PDE8B: variants seen among roughly 807,000 people sequenced by gnomAD.
PDE8B encodes the protein phosphodiesterase 8B.
PDE8B carries 26 observed loss-of-function variants against 101.3 expected under a neutral mutation model. The observed-to-expected ratio is 0.26, with a 90% CI of 0.19 to 0.36. The LOEUF is 0.36. Ranked by LOEUF, PDE8B falls within the 10% of genes least tolerant of loss-of-function variation. The pLI, the probability that PDE8B is intolerant of heterozygous loss-of-function variation, is 1.00. For synonymous variants in PDE8B, 424 were observed against 429.3 expected (o/e 0.99, Z 0.15); for missense variants, 810 against 1,163.1 (o/e 0.70, Z 4.42).
At chr5:77,424,922 C>T (rs9293716) in intron 20 of PDE8B, among the ~76,000 whole-genome samples, 41,385 of 151,656 alleles carry the variant, frequency 0.27, 6,187 homozygotes, top group Non-Finnish European at 0.33. Flanking sequence ...ACTCCAGGCC[C>T]CAAGCGAACC....
At chr5:77,345,167 T>TA in intron 7 of PDE8B, among the ~76,000 whole-genome samples, 1 of 152,342 alleles carries the variant, frequency 6.6e-6, no homozygotes, top group South Asian at 2.1e-4. Context: ...AAATGGGGTT[T>TA]AAAAAAATTT....
intron 10 of PDE8B, among the ~76,000 whole-genome samples, chr5:77,361,930 C>T (rs1263745861): frequency 1.3e-5 from 2 of 152,168 alleles, no homozygotes; most frequent in African/African-American, 2.4e-5. Flanking sequence ...AAAAAACCAG[C>T]AAAAGCATTT....
chr5:77,212,165 T>C (rs1580338792), intron 1 of PDE8B, among the ~76,000 whole-genome samples: 1 of 152,236 alleles, frequency 6.6e-6, no homozygotes, highest in African/African-American at 2.4e-5. Context: ...TGTGTAAATC[T>C]GGGCACTGGG....
At chr5:77,321,824 A>G (rs933649368) in intron 2 of PDE8B, among the ~76,000 whole-genome samples, 37 of 152,290 alleles carry the variant, frequency 2.4e-4, no homozygotes, top group African/African-American at 8.9e-4. Flanking sequence ...TACCATACCT[A>G]AATAATAAGA....
chr5:77,273,899 T>C (rs2149793971), intron 1 of PDE8B, among the ~76,000 whole-genome samples: 2 of 152,204 alleles, frequency 1.3e-5, no homozygotes, highest in African/African-American at 4.8e-5. Flanking sequence ...CTTTGCTCAC[T>C]GCAACCTCCG....
At chr5:77,313,359 G>A (rs1443987569) in intron 2 of PDE8B, among the ~76,000 whole-genome samples, 1 of 151,440 alleles carries the variant, frequency 6.6e-6, no homozygotes, top group Admixed American at 6.6e-5. Flanking sequence ...GGAACAGAGA[G>A]AGAGAGAAAA....
intron 1 of PDE8B, chr5:77,291,500 G>T: frequency 6.2e-7 from 1 of 1,609,394 alleles, no homozygotes; most frequent in Non-Finnish European, 8.5e-7. Context: ...TTAAATTCAA[G>T]AATGAAGAAG....
rs555914663 is a variant in PDE8B, at chr5:77,290,303, A to G, written c.340-21691A>G. The G allele has an allele frequency of 3.9e-6, 6 of 1,542,744 alleles. No homozygotes were observed. In the East Asian group the frequency reaches 9.1e-5, roughly 23 times the overall value. ...TCCTCATCAATCAGCCCCAGTATGC[A>G]TGGCTGAAAGAGGTGGGGCTCCGAG... On this transcript the variant is annotated intron_variant, in intron 1 of 21. Coordinates refer to ENST00000264917, the MANE Select transcript of PDE8B (RefSeq NM_003719.5).
At chr5:77,145,281 C>T in the PDE8B span, 1 of 152,004 alleles carries the variant, frequency 6.6e-6, no homozygotes, top group African/African-American at 2.4e-5. Context: ...CTTCTTGGTG[C>T]TTATAGTAAA....
chr5:77,227,319 G>A (rs895399787), intron 1 of PDE8B, among the ~76,000 whole-genome samples: 1 of 152,004 alleles, frequency 6.6e-6, no homozygotes, highest in Admixed American at 6.6e-5. Flanking sequence ...TTATATAAAT[G>A]TATCAACTTT....
At chr5:77,349,321 C>G in intron 7 of PDE8B, 98 bp from the exon 8 acceptor site, 2 of 1,505,384 alleles carry the variant, frequency 1.3e-6, no homozygotes, top group Non-Finnish European at 1.8e-6. Flanking sequence ...GCTTGATATT[C>G]CTCTGGGTCC....
intron 1 of PDE8B, among the ~76,000 whole-genome samples, chr5:77,288,695 G>A (rs1438742492): frequency 6.6e-6 from 1 of 152,134 alleles, no homozygotes; most frequent in Admixed American, 6.5e-5. Context: ...CAGTTGCTAT[G>A]TTTAACTCTC....
chr5:77,362,740 C>T (rs967145815), intron 10 of PDE8B, among the ~76,000 whole-genome samples: 1 of 152,220 alleles, frequency 6.6e-6, no homozygotes, highest in African/African-American at 2.4e-5. Flanking sequence ...GTTTGTAGTT[C>T]TCTGGACATG....
intron 1 of PDE8B, among the ~76,000 whole-genome samples, chr5:77,283,537 A>G (rs1406673544): frequency 6.6e-6 from 1 of 152,146 alleles, no homozygotes; most frequent in Non-Finnish European, 1.5e-5. Flanking sequence ...TAATATCTCT[A>G]CAGTTTTGCC....
At chr5:77,092,999 G>C in the PDE8B span, among the ~76,000 whole-genome samples, 1 of 152,154 alleles carries the variant, frequency 6.6e-6, no homozygotes, top group Non-Finnish European at 1.5e-5. Flanking sequence ...TGTGTCCTTT[G>C]GACCACACTG....
intron 5 of PDE8B, among the ~76,000 whole-genome samples, chr5:77,336,954 G>A (rs1778304312): frequency 6.6e-6 from 1 of 152,132 alleles, no homozygotes; most frequent in South Asian, 2.1e-4. Context: ...TACATGGCTG[G>A]GCAGGCATTC....
At chr5:77,421,751 C>T in intron 19 of PDE8B, 70 bp from the exon 20 acceptor site, 4 of 1,472,812 alleles carry the variant, frequency 2.7e-6, no homozygotes, top group Non-Finnish European at 3.8e-6. Flanking sequence ...CATCGAATGC[C>T]TGGCGAATTA....
intron 6 of PDE8B, among the ~76,000 whole-genome samples, chr5:77,342,873 G>A (rs1310590609): frequency 1.3e-5 from 2 of 152,156 alleles, no homozygotes; most frequent in Non-Finnish European, 2.9e-5. Flanking sequence ...GTTGGAAGCC[G>A]AGTAACATCA....
intron 1 of PDE8B, among the ~76,000 whole-genome samples, chr5:77,276,477 T>G (rs1763871242): frequency 6.6e-6 from 1 of 152,250 alleles, no homozygotes; most frequent in African/African-American, 2.4e-5. Context: ...GTTTGCTTAC[T>G]TTTTGAGTTA....
Sources: gnomAD v4.1 joint callset for allele counts (sites outside exome capture counted in the v4.1 genomes callset) on GRCh38, gnomAD v4.1.1 for gene constraint, MANE v1.5 for transcripts, NCBI Gene and HGNC (gene_info 2026-07-23, HGNC 2026-07-21) for gene names.